Variants in GRIK2 observed in about 807,000 individuals in gnomAD.
GRIK2 encodes glutamate ionotropic receptor kainate type subunit 2, also known as glutamate receptor ionotropic, kainate 2.
A neutral mutation model predicts 100.3 loss-of-function variants in GRIK2; 32 were observed. That is an observed-to-expected ratio of 0.32 (90% CI 0.24 to 0.43). GRIK2 has a LOEUF of 0.43. GRIK2 is among the 20% of genes least tolerant of loss of function. The pLI is 1.00. For synonymous variants in GRIK2, 417 were observed against 389.4 expected (o/e 1.07, Z -0.83); for missense variants, 843 against 1,114.9 (o/e 0.76, Z 3.47).
At chr6:101,568,298 C>T (rs2128298138) in intron 2 of GRIK2, among the ~76,000 whole-genome samples, 1 of 152,060 alleles carries the variant, frequency 6.6e-6, no homozygotes, top group South Asian at 2.1e-4. Context: ...TAACCTAAAT[C>T]CTTTGTGCTT....
chr6:101,855,235 T>C (rs2128441536), intron 10 of GRIK2, among the ~76,000 whole-genome samples: 1 of 152,346 alleles, frequency 6.6e-6, no homozygotes, highest in South Asian at 2.1e-4. Flanking sequence ...CCAGTCATTT[T>C]CTTCTATGCA....
At chr6:102,057,153 G>A (rs1021702113) in intron 16 of GRIK2, among the ~76,000 whole-genome samples, 3 of 151,638 alleles carry the variant, frequency 2.0e-5, no homozygotes, top group African/African-American at 7.3e-5. Context: ...GCATTAATGT[G>A]TAATATAAGA....
intron 2 of GRIK2, among the ~76,000 whole-genome samples, chr6:101,534,043 C>T (rs1007095707): frequency 2.0e-5 from 3 of 151,726 alleles, no homozygotes; most frequent in Admixed American, 6.6e-5. Flanking sequence ...ACAAAAGCAT[C>T]GCAAGCAGGC....
intron 2 of GRIK2, among the ~76,000 whole-genome samples, chr6:101,420,785 C>T (rs969594235): frequency 6.6e-6 from 1 of 152,088 alleles, no homozygotes; most frequent in Non-Finnish European, 1.5e-5. Context: ...CAAAGTTCCA[C>T]GATGTGCAAA....
At chr6:101,799,237 G>A (rs1180310441) in intron 7 of GRIK2, among the ~76,000 whole-genome samples, 3 of 151,572 alleles carry the variant, frequency 2.0e-5, no homozygotes, top group Non-Finnish European at 4.4e-5. Flanking sequence ...TATAGAATAT[G>A]TAATTTATGT....
intron 2 of GRIK2, among the ~76,000 whole-genome samples, chr6:101,569,059 T>A (rs781232215): frequency 2.0e-5 from 3 of 152,036 alleles, no homozygotes; most frequent in Non-Finnish European, 2.9e-5. Flanking sequence ...CGTTTGTCCC[T>A]AGCTGTGAGT....
intron 15 of GRIK2, among the ~76,000 whole-genome samples, chr6:102,043,896 T>C (rs2852610): frequency 0.25 from 37,395 of 151,860 alleles, 4,713 homozygotes; most frequent in East Asian, 0.31. Context: ...GTTTTCACTT[T>C]TACTTCTTTC....
chr6:101,565,024 A>T (rs984488931), intron 2 of GRIK2, among the ~76,000 whole-genome samples: 1 of 152,102 alleles, frequency 6.6e-6, no homozygotes, highest in Non-Finnish European at 1.5e-5. Flanking sequence ...GGCTACTTAA[A>T]TCTAGACTTT....
At chr6:101,634,166 A>G (rs1780897924) in intron 4 of GRIK2, among the ~76,000 whole-genome samples, 1 of 152,148 alleles carries the variant, frequency 6.6e-6, no homozygotes, top group South Asian at 2.1e-4. Context: ...CAAGTTGAAA[A>G]GAGATGACAG....
chr6:101,891,516 CAAAAAAAA>C, intron 12 of GRIK2: 18 of 193,264 alleles, frequency 9.3e-5, no homozygotes, highest in Non-Finnish European at 1.0e-4. Context: ...GACTCCATCT[CAAAAAAAA>C]AAAAAAAAAA....
rs185729181 is a variant in GRIK2 at position 101,605,333 on chromosome 6, A to G, written c.116-16616A>G. ...GGTGAATCCATGCATGCTTATGGAAACTGTTAATTACCAAGTGCTCTGGAT... is the reference window on the plus strand; with the variant it reads ...GGTGAATCCATGCATGCTTATGGAAGCTGTTAATTACCAAGTGCTCTGGAT... On this transcript the variant is annotated intron_variant, in intron 2 of 16. Coordinates refer to ENST00000369134, the MANE Select transcript of GRIK2 (RefSeq NM_021956.5). 3.9e-5 allele frequency among the ~76,000 whole-genome samples: 6 copies of G among 152,110 alleles called. No homozygotes were observed. The East Asian group carries it at 7.8e-4, about 20-fold the overall frequency.
intron 10 of GRIK2, among the ~76,000 whole-genome samples, chr6:101,837,504 G>A (rs1783208905): frequency 6.6e-6 from 1 of 152,034 alleles, no homozygotes. Flanking sequence ...TGTTTCATAA[G>A]CCCTAAATAT....
At chr6:101,619,430 T>G (rs1284296739) in intron 2 of GRIK2, among the ~76,000 whole-genome samples, 1 of 151,824 alleles carries the variant, frequency 6.6e-6, no homozygotes, top group Non-Finnish European at 1.5e-5. Context: ...GAATTTGAAT[T>G]ATTATTTTAA....
At chr6:101,929,473 A>ATT (rs68002758) in intron 14 of GRIK2, among the ~76,000 whole-genome samples, 20 of 151,442 alleles carry the variant, frequency 1.3e-4, no homozygotes, top group Non-Finnish European at 1.0e-4. Context: ...TGGAAATAGT[A>ATT]TTTTTTTTTA....
intron 14 of GRIK2, chr6:101,993,746 AC>A: frequency 6.7e-6 from 1 of 149,382 alleles, no homozygotes; most frequent in East Asian, 2.0e-4. Flanking sequence ...AATCTATTAT[AC>A]TTCCATCATA....
At chr6:101,566,196 C>A (rs1409434037) in intron 2 of GRIK2, among the ~76,000 whole-genome samples, 1 of 151,392 alleles carries the variant, frequency 6.6e-6, no homozygotes, top group Non-Finnish European at 1.5e-5. Flanking sequence ...TGTTCAAGAG[C>A]CAACTGTACA....
chr6:101,692,256 A>C (rs568771154), intron 7 of GRIK2, among the ~76,000 whole-genome samples: 6 of 152,274 alleles, frequency 3.9e-5, no homozygotes, highest in Admixed American at 3.3e-4. Flanking sequence ...GATCAAACCA[A>C]CTCAACATTT....
At chr6:101,862,041 A>G (rs919155462) in intron 11 of GRIK2, among the ~76,000 whole-genome samples, 1 of 152,182 alleles carries the variant, frequency 6.6e-6, no homozygotes, top group Non-Finnish European at 1.5e-5. Context: ...CGGAACAGAA[A>G]TTAAGTTGTA....
chr6:101,821,874 A>T (rs879133610), intron 10 of GRIK2, among the ~76,000 whole-genome samples: 3 of 152,094 alleles, frequency 2.0e-5, no homozygotes, highest in Admixed American at 1.3e-4. Flanking sequence ...TTCTGGCTAC[A>T]TTATGAATAA....
Sources: gnomAD v4.1 joint callset for allele counts (sites outside exome capture counted in the v4.1 genomes callset) on GRCh38, gnomAD v4.1.1 for gene constraint, MANE v1.5 for transcripts, NCBI Gene and HGNC (gene_info 2026-07-23, HGNC 2026-07-21) for gene names.